EZH2: variants seen among roughly 807,000 people sequenced by gnomAD.
EZH2 encodes the protein histone-lysine N-methyltransferase EZH2.
In EZH2, 18 loss-of-function variants were observed where a neutral mutation model predicts 98.4. The ratio of observed to expected loss-of-function variants is 0.18; its 90% CI spans 0.13 to 0.27. EZH2 has a LOEUF of 0.27. Ranked by LOEUF, EZH2 falls within the 10% of genes least tolerant of loss-of-function variation. The probability of loss-of-function intolerance (pLI) is 1.00; values close to 1 mark genes in which losing one functional copy is unlikely to be tolerated. For synonymous variants in EZH2, 338 were observed against 312.3 expected (o/e 1.08, Z -0.87); for missense variants, 470 against 935.1 (o/e 0.50, Z 6.49).
rs73158267 is a variant in EZH2, at chr7:148,847,541, G to A, written c.-7-236C>T. ...TTACAAAAATTCTACACTAAATTGCGGCCATATTATAGGAACATGATCCCA... is the reference window on the plus strand; with the variant it reads ...TTACAAAAATTCTACACTAAATTGCAGCCATATTATAGGAACATGATCCCA... On this transcript the variant is annotated intron_variant, in intron 1 of 19. Coordinates refer to ENST00000320356, the MANE Select transcript of EZH2 (RefSeq NM_004456.5). Among the ~76,000 whole-genome samples the A allele has an allele frequency of 0.026, 3,948 of 152,040 alleles. 91 individuals carry two copies. The highest frequency in any genetic ancestry group is 0.035 in the Non-Finnish European group (2,386 of 67,988).
intron 3 of EZH2, among the ~76,000 whole-genome samples, chr7:148,840,458 G>A (rs1490074303): frequency 6.6e-6 from 1 of 152,040 alleles, no homozygotes; most frequent in Admixed American, 6.5e-5. Context: ...AGTATATATA[G>A]AAAATGAAAT....
intron 16 of EZH2, 111 bp from the exon 17 acceptor site, chr7:148,810,525 A>G (rs1376041513): frequency 1.7e-5 from 11 of 649,780 alleles, no homozygotes; most frequent in Non-Finnish European, 3.0e-5. Flanking sequence ...AAACGCAACA[A>G]AAAGGGTCAC....
intron 16 of EZH2, 61 bp downstream of exon 16, chr7:148,811,564 C>G (rs1051441095): frequency 6.7e-6 from 9 of 1,351,574 alleles, no homozygotes; most frequent in African/African-American, 2.9e-5. Flanking sequence ...TAAAATCAAT[C>G]TAAAATAAAG....
At chr7:148,822,836 GAAGGCT>G (rs1467785049) in intron 8 of EZH2, among the ~76,000 whole-genome samples, 2 of 151,668 alleles carry the variant, frequency 1.3e-5, no homozygotes, top group East Asian at 3.9e-4. Flanking sequence ...CAGCTACTCA[GAAGGCT>G]GAGGCAGGAG....
At chr7:148,818,854 A>T (rs914332131) in intron 9 of EZH2, 1 of 348,592 alleles carries the variant, frequency 2.9e-6, no homozygotes, top group Admixed American at 3.9e-5. Context: ...CCTTGTAAAG[A>T]ATATTATAAA....
At position 148,807,582 on chromosome 7, in the gene EZH2, C is replaced by G. The variant is rs1171494357; in HGVS notation, c.*64G>C. On this transcript the variant is annotated 3_prime_UTR_variant, in exon 20 of 20. Coordinates refer to ENST00000320356, the MANE Select transcript of EZH2 (RefSeq NM_004456.5). ...GCATGTTCTTTTTCTAAATTGCCCA[C>G]AGTACTCGAGGTTCCTGAAGCTAAG... The G allele has an allele frequency of 2.8e-5, 36 of 1,294,054 alleles. No individual in the cohort carries two copies. The highest frequency in any genetic ancestry group is 3.8e-5 in the Non-Finnish European group (35 of 910,312). 80.2% of individuals were successfully genotyped at this position (1,294,054 alleles called of 1,614,324 possible).
At chr7:148,868,672 G>T (rs1818890715) in intron 1 of EZH2, among the ~76,000 whole-genome samples, 1 of 152,176 alleles carries the variant, frequency 6.6e-6, no homozygotes, top group Non-Finnish European at 1.5e-5. Context: ...CTGACATTAA[G>T]AATCTATAGC....
At chr7:148,843,617 AC>A (rs1813123391) in intron 3 of EZH2, among the ~76,000 whole-genome samples, 1 of 96,272 alleles carries the variant, frequency 1.0e-5, no homozygotes. Flanking sequence ...TTTTTTTGAG[AC>A]AGCGTCTCGC....
rs559052437 is a variant in EZH2 at position 148,866,001 on chromosome 7, C to T, written c.-8+18163G>A. The stretch of plus-strand genomic sequence containing the variant: ...CAACAGAACCCCTCACTGAAGCAGA[C>T]TCTTCAGAAACTCCTCTGGCTTATG... On this transcript the variant is annotated intron_variant, in intron 1 of 19. Transcript: ENST00000320356. Among the ~76,000 whole-genome samples the T allele has an allele frequency of 8.1e-4, 124 of 152,270 alleles. 1 individual carries two copies. The highest frequency in any genetic ancestry group is 2.9e-3 in the African/African-American group (122 of 41,556).
At position 148,833,212 on chromosome 7, in the gene EZH2, A is replaced by G. The variant is rs572363792; in HGVS notation, c.247-462T>C. 8.5e-5 allele frequency among the ~76,000 whole-genome samples: 13 copies of G among 152,258 alleles called. No individual in the cohort carries two copies. The South Asian group carries it at 1.7e-3, about 19-fold the overall frequency. On this transcript the variant is annotated intron_variant, in intron 3 of 19. Coordinates refer to ENST00000320356, the MANE Select transcript of EZH2 (RefSeq NM_004456.5). The stretch of plus-strand genomic sequence containing the variant: ...GGTGGCTCACGCCTGTAATCCCAGC[A>G]CTTTGGGAGGCCGAGACGGGCGGAT...
intron 1 of EZH2, among the ~76,000 whole-genome samples, chr7:148,856,832 G>A (rs1310374956): frequency 6.6e-6 from 1 of 152,148 alleles, no homozygotes; most frequent in Non-Finnish European, 1.5e-5. Flanking sequence ...TAAACAACTG[G>A]AGGAGAAGGA....
In EZH2 at chr7:148,843,583, GTTTTTTTTTTTTTTTTT is replaced by G. The variant is rs1157236882; in HGVS notation, c.246+2870_246+2886del. ...TCTACAACTACAAATGGGAGTATAAGTTTTTTTTTTTTTTTTTTTTTTTTTTTTTTGAGACAGCGTCT... is the reference window on the plus strand; with the variant it reads ...TCTACAACTACAAATGGGAGTATAAGTTTTTTTTTTTTTGAGACAGCGTCT... On this transcript the variant is annotated intron_variant, in intron 3 of 19. Coordinates refer to ENST00000320356, the MANE Select transcript of EZH2 (RefSeq NM_004456.5). Among the ~76,000 whole-genome samples, 60 of 64,342 alleles carry G rather than the reference GTTTTTTTTTTTTTTTTT, an allele frequency of 9.3e-4. 3 individuals are homozygous for G. The highest frequency in any genetic ancestry group is 4.2e-3 in the African/African-American group (59 of 14,194). 42.2% of individuals were successfully genotyped at this position (64,342 alleles called of 152,430 possible).
At chr7:148,873,087 A>G (rs1819647354) in intron 1 of EZH2, among the ~76,000 whole-genome samples, 1 of 152,094 alleles carries the variant, frequency 6.6e-6, no homozygotes, top group African/African-American at 2.4e-5. Context: ...GGAGGCTGAG[A>G]TGGGAAGATC....
chr7:148,853,348 G>A (rs1816198114), intron 1 of EZH2, among the ~76,000 whole-genome samples: 1 of 152,172 alleles, frequency 6.6e-6, no homozygotes, highest in Non-Finnish European at 1.5e-5. Context: ...GGAGGCAGAG[G>A]TTGAGGTGAG....
chr7:148,823,442 C>CA (rs1479927428), intron 8 of EZH2, among the ~76,000 whole-genome samples: 1 of 151,604 alleles, frequency 6.6e-6, no homozygotes, highest in African/African-American at 2.4e-5. Flanking sequence ...ATCCTTATTC[C>CA]AAAAAAAGGG....
chr7:148,853,745 GTTTCT>G (rs960356299), intron 1 of EZH2, among the ~76,000 whole-genome samples: 1 of 152,164 alleles, frequency 6.6e-6, no homozygotes, highest in Non-Finnish European at 1.5e-5. Flanking sequence ...ACACACTTTT[GTTTCT>G]TTTCAAGTAT....
At chr7:148,818,697 A>T (rs1805230910) in intron 9 of EZH2, among the ~76,000 whole-genome samples, 1 of 152,204 alleles carries the variant, frequency 6.6e-6, no homozygotes, top group South Asian at 2.1e-4. Context: ...CCACAGGAAG[A>T]CATGAAAGGA....
At chr7:148,834,018 T>C (rs954941302) in intron 3 of EZH2, among the ~76,000 whole-genome samples, 4 of 152,132 alleles carry the variant, frequency 2.6e-5, no homozygotes, top group Non-Finnish European at 4.4e-5. Flanking sequence ...ATCTTCTGTA[T>C]CACTAAGAAA....
At chr7:148,809,232 C>A in intron 18 of EZH2, 77 bp from the exon 19 acceptor site, 1 of 1,587,820 alleles carries the variant, frequency 6.3e-7, no homozygotes. Context: ...ACATAACAAA[C>A]AACTATCCCA....
Sources: gnomAD v4.1 joint callset for allele counts (sites outside exome capture counted in the v4.1 genomes callset) on GRCh38, gnomAD v4.1.1 for gene constraint, MANE v1.5 for transcripts, NCBI Gene and HGNC (gene_info 2026-07-23, HGNC 2026-07-21) for gene names.